The following MBNL2 variants were observed in gnomAD, a reference collection of about 807,000 sequenced individuals.
MBNL2 encodes muscleblind-like protein 2.
Under a neutral mutation model 41.9 loss-of-function variants are expected in MBNL2, and 17 were observed. That is an observed-to-expected ratio of 0.41 (90% CI 0.28 to 0.61). The LOEUF (loss-of-function observed/expected upper bound fraction) is 0.61, where lower values mean the gene tolerates loss of function less well. MBNL2 is among the 20% of genes least tolerant of loss of function. The pLI is 0.35. For synonymous variants in MBNL2, 195 were observed against 182.9 expected, an observed-to-expected ratio of 1.07 and a Z score of -0.53; for missense variants, 336 against 505.6, an observed-to-expected ratio of 0.66 and a Z score of 3.22.
At chr13:97,261,325 G>A (rs557033620) in intron 1 of MBNL2, among the ~76,000 whole-genome samples, 70 of 151,898 alleles carry the variant, frequency 4.6e-4, no homozygotes, top group Non-Finnish European at 8.4e-4. Context: ...GAAATTTAAC[G>A]ATACACTCAG....
chr13:97,370,783 AG>A (rs1183238952), intron 8 of MBNL2, among the ~76,000 whole-genome samples: 1 of 152,212 alleles, frequency 6.6e-6, no homozygotes, highest in African/African-American at 2.4e-5. Flanking sequence ...AGATAACCTA[AG>A]AAAAAGTTAG....
Position 97,334,150 on chromosome 13 carries a change from A to ACACACACC in MBNL2, c.175-119_175-118insCCACACAC. ...CACATGAGCATGCGCGCGCACACCCACACACACACACACACACACACACAC... is the reference window on the plus strand; with the variant it reads ...CACATGAGCATGCGCGCGCACACCCACACACACCCACACACACACACACACACACACAC... On this transcript the variant is annotated intron_variant, in intron 2 of 8. Transcript: ENST00000679496. The surrounding 1 kb of genome is among the most constrained non-coding windows in gnomAD (Gnocchi z 5.3). 1.8e-5 allele frequency: 5 copies of ACACACACC among 274,220 alleles called. No individual in the cohort carries two copies. The highest frequency in any genetic ancestry group is 6.7e-5 in the South Asian group (1 of 14,968). The allele number at this position is 274,220 out of a possible 1,614,324, so 17.0% of individuals were successfully genotyped here. A position where few individuals can be genotyped will look rare whatever the true frequency, so the allele number is the denominator to read the frequency against.
intron 2 of MBNL2, among the ~76,000 whole-genome samples, chr13:97,283,680 CT>C (rs1487017711): frequency 6.6e-6 from 1 of 152,116 alleles, no homozygotes; most frequent in Non-Finnish European, 1.5e-5. Flanking sequence ...AAATCTTCAT[CT>C]TAAGAGAAGT....
intron 2 of MBNL2, among the ~76,000 whole-genome samples, chr13:97,280,418 A>G (rs983938729): frequency 2.0e-5 from 3 of 152,222 alleles, no homozygotes; most frequent in African/African-American, 4.8e-5. Flanking sequence ...TAAAAATAGT[A>G]TTGCTAATTT....
At chr13:97,389,781 T>A (rs1045236921) in intron 8 of MBNL2, among the ~76,000 whole-genome samples, 2 of 152,000 alleles carry the variant, frequency 1.3e-5, no homozygotes, top group Admixed American at 1.3e-4. Flanking sequence ...ACTTTTTTTT[T>A]AAAAGTAAAA....
chr13:97,166,841 A>AGATAGATAGAAAGAAAGAAAGAT, the MBNL2 span, among the ~76,000 whole-genome samples: 2 of 114,356 alleles, frequency 1.7e-5, no homozygotes, highest in East Asian at 5.4e-4. Flanking sequence ...GATAGATAGA[A>AGATAGATAGAAAGAAAGAAAGAT]AGATAGATAG....
chr13:97,291,900 CA>C lies in MBNL2; in HGVS notation c.174+15508del, dbSNP rs763407208. On this transcript the variant is annotated intron_variant, in intron 2 of 8. Transcript: ENST00000679496. Reference sequence around the variant, plus strand: ...ACAGAGCGAGACTCCGTCTCCGTCTCAAAAAAAAAAAAAAAAAGTGGGCTGG... The same window carrying C: ...ACAGAGCGAGACTCCGTCTCCGTCTCAAAAAAAAAAAAAAAAGTGGGCTGG... Among the ~76,000 whole-genome samples the C allele has an allele frequency of 2.2e-3, 83 of 37,816 alleles. 5 individuals carry two copies. The highest frequency in any genetic ancestry group is 7.3e-3 in the African/African-American group (31 of 4,272). The allele number at this position is 37,816 out of a possible 152,430, so 24.8% of individuals were successfully genotyped here. A position where few individuals can be genotyped will look rare whatever the true frequency, so the allele number is the denominator to read the frequency against.
chr13:97,307,944 G>GTC (rs2058270817), intron 2 of MBNL2, among the ~76,000 whole-genome samples: 4 of 152,190 alleles, frequency 2.6e-5, no homozygotes, highest in South Asian at 2.1e-4. Flanking sequence ...TCAATGATGA[G>GTC]AATGCTGTTC....
chr13:97,298,063 A>G (rs2057246020), intron 2 of MBNL2, among the ~76,000 whole-genome samples: 1 of 152,112 alleles, frequency 6.6e-6, no homozygotes, highest in African/African-American at 2.4e-5. Context: ...ACTTTCTCGG[A>G]CCTCTTCAGT....
chr13:97,209,086 T>G, the MBNL2 span, among the ~76,000 whole-genome samples: 1 of 152,202 alleles, frequency 6.6e-6, no homozygotes, highest in South Asian at 2.1e-4. Flanking sequence ...ATAAATGAAT[T>G]CAAAATCCTT....
intron 8 of MBNL2, among the ~76,000 whole-genome samples, chr13:97,372,910 T>C (rs1186423917): frequency 6.6e-6 from 1 of 152,184 alleles, no homozygotes; most frequent in Non-Finnish European, 1.5e-5. Flanking sequence ...TGGACTATAT[T>C]CAGACAAATG....
At chr13:97,143,360 G>T in the MBNL2 span, among the ~76,000 whole-genome samples, 18 of 152,308 alleles carry the variant, frequency 1.2e-4, no homozygotes, top group East Asian at 3.5e-3. Context: ...TTGGTAACAT[G>T]TTAGAATTCT....
At chr13:97,236,366 T>A (rs193086453) in intron 1 of MBNL2, among the ~76,000 whole-genome samples, 1 of 152,166 alleles carries the variant, frequency 6.6e-6, no homozygotes, top group Admixed American at 6.5e-5. Context: ...AGGGGCATGC[T>A]TTCCCTTGGG....
chr13:97,320,096 A>G (rs1318040929), intron 2 of MBNL2, among the ~76,000 whole-genome samples: 1 of 152,128 alleles, frequency 6.6e-6, no homozygotes, highest in African/African-American at 2.4e-5. Flanking sequence ...ATTATCTAAC[A>G]TTTGTTAGAG....
intron 1 of MBNL2, among the ~76,000 whole-genome samples, chr13:97,258,418 T>C (rs1216369115): frequency 6.6e-6 from 1 of 152,222 alleles, no homozygotes; most frequent in Admixed American, 6.5e-5. Flanking sequence ...TCTTTCTTTC[T>C]TTCTTTTTTA....
intron 8 of MBNL2, among the ~76,000 whole-genome samples, chr13:97,388,206 T>C (rs895196601): frequency 6.6e-5 from 10 of 152,068 alleles, no homozygotes; most frequent in African/African-American, 1.7e-4. Flanking sequence ...TTTAAGAAGG[T>C]ATGTTTCTTA....
chr13:97,233,142 TA>T, intron 1 of MBNL2, among the ~76,000 whole-genome samples: 1 of 79,534 alleles, frequency 1.3e-5, no homozygotes, highest in African/African-American at 5.0e-5. Flanking sequence ...TATATATATA[TA>T]TATATATATA....
chr13:97,160,071 T>C, the MBNL2 span, among the ~76,000 whole-genome samples: 2 of 152,314 alleles, frequency 1.3e-5, no homozygotes, highest in African/African-American at 4.8e-5. Flanking sequence ...CATAGTCCCA[T>C]ATTTCTTGGA....
intron 1 of MBNL2, among the ~76,000 whole-genome samples, chr13:97,257,451 A>T (rs947598051): frequency 3.3e-5 from 5 of 152,228 alleles, no homozygotes. Flanking sequence ...TTTGAAAGAA[A>T]TGCAATTGGC....
Sources: gnomAD v4.1 joint callset for allele counts (sites outside exome capture counted in the v4.1 genomes callset) on GRCh38, gnomAD v4.1.1 for gene constraint, Gnocchi (gnomAD v3.1) non-coding constraint, MANE v1.5 for transcripts, NCBI Gene and HGNC (gene_info 2026-07-23, HGNC 2026-07-21) for gene names.